Variants in PLEKHA7 observed in about 807,000 individuals in gnomAD.
PLEKHA7 encodes the protein pleckstrin homology domain containing A7, also known as pleckstrin homology domain-containing family A member 7.
In PLEKHA7, 104 loss-of-function variants were observed where a neutral mutation model predicts 170.0. The observed-to-expected ratio is 0.61, with a 90% confidence interval of 0.52 to 0.72. The LOEUF is 0.72. PLEKHA7 is among the 30% of genes least tolerant of loss of function. The pLI, the probability that PLEKHA7 is intolerant of heterozygous loss-of-function variation, is 0.00. For synonymous variants in PLEKHA7, 648 were observed against 660.8 expected (o/e 0.98, Z 0.30); for missense variants, 1,615 against 1,671.7 (o/e 0.97, Z 0.59).
chr11:16,892,432 G>GGTTTTGTTTTGTTT (rs1856695764), intron 3 of PLEKHA7, among the ~76,000 whole-genome samples: 1 of 114,946 alleles, frequency 8.7e-6, no homozygotes, highest in African/African-American at 3.6e-5. Context: ...GTGTGTGTGT[G>GGTTTTGTTTTGTTT]TGTTTTGTTT....
At chr11:16,923,839 A>G (rs542343919) in intron 3 of PLEKHA7, among the ~76,000 whole-genome samples, 7 of 152,182 alleles carry the variant, frequency 4.6e-5, no homozygotes, top group Non-Finnish European at 7.4e-5. Flanking sequence ...CATCTTCCTC[A>G]TCGCACTTAC....
chr11:16,877,933 G>T (rs1438352528), intron 3 of PLEKHA7, among the ~76,000 whole-genome samples: 1 of 152,134 alleles, frequency 6.6e-6, no homozygotes, highest in Non-Finnish European at 1.5e-5. Context: ...CATACAGAAG[G>T]TACTCAATTA....
At chr11:16,997,478 C>T (rs1382101573) in intron 3 of PLEKHA7, among the ~76,000 whole-genome samples, 2 of 152,140 alleles carry the variant, frequency 1.3e-5, no homozygotes, top group Admixed American at 1.3e-4. Context: ...AAAACAAAGA[C>T]CGGCAATCTG....
At chr11:16,956,997 C>T (rs78810686) in intron 3 of PLEKHA7, among the ~76,000 whole-genome samples, 2,615 of 152,256 alleles carry the variant, frequency 0.017, 90 homozygotes, top group African/African-American at 0.061. Context: ...CACCTCCCCC[C>T]GTGGCTTTAG....
At chr11:16,803,748 AC>A (rs1848761707) in intron 13 of PLEKHA7, among the ~76,000 whole-genome samples, 1 of 152,122 alleles carries the variant, frequency 6.6e-6, no homozygotes, top group Admixed American at 6.5e-5. Flanking sequence ...AAATCCCTTG[AC>A]CATTGTCAAG....
At position 16,876,719 on chromosome 11, in the gene PLEKHA7, T is replaced by C. The variant is rs181188211; in HGVS notation, c.222-5537A>G. Among the ~76,000 whole-genome samples, 585 of 152,340 alleles carry C rather than the reference T, an allele frequency of 3.8e-3. 6 individuals are homozygous for C. Among genetic ancestry groups the C allele is most frequent in the African/African-American group, 0.014 (562 of 41,580 alleles). On this transcript the variant is annotated intron_variant, in intron 3 of 26. Transcript: ENST00000531066. ...TCAATGTAAGACAGTCAACCTACAA[T>C]GACAGACAAGGCTAGTCAAAATGTA...
intron 3 of PLEKHA7, among the ~76,000 whole-genome samples, chr11:16,965,475 T>C (rs1862317540): frequency 6.6e-6 from 1 of 152,202 alleles, no homozygotes; most frequent in South Asian, 2.1e-4. Context: ...ATCCCCTTAG[T>C]GCCTGACACT....
chr11:16,962,119 G>A (rs1036718309), intron 3 of PLEKHA7, among the ~76,000 whole-genome samples: 5 of 152,214 alleles, frequency 3.3e-5, no homozygotes, highest in African/African-American at 1.2e-4. Flanking sequence ...CTTCAGATGA[G>A]GAGGCAGCCC....
At chr11:16,825,033 C>G (rs1850529767) in intron 10 of PLEKHA7, among the ~76,000 whole-genome samples, 1 of 152,226 alleles carries the variant, frequency 6.6e-6, no homozygotes, top group Non-Finnish European at 1.5e-5. Flanking sequence ...GTCTTAGCTA[C>G]AGCACAACAG....
At chr11:16,870,599 C>T (rs1006306034) in intron 4 of PLEKHA7, among the ~76,000 whole-genome samples, 1 of 149,220 alleles carries the variant, frequency 6.7e-6, no homozygotes, top group Non-Finnish European at 1.5e-5. Flanking sequence ...CACTGCACTC[C>T]AGCCTGGGTG....
intron 3 of PLEKHA7, among the ~76,000 whole-genome samples, chr11:16,978,214 G>T (rs1038686511): frequency 6.6e-6 from 1 of 152,208 alleles, no homozygotes; most frequent in African/African-American, 2.4e-5. Context: ...AAGAGAGGGA[G>T]AATCAGCCTA....
rs139296619 is a variant in PLEKHA7, at chr11:16,854,913, C to T, written c.498G>A (p.Val166=). The T allele has an allele frequency of 6.2e-7, 1 of 1,614,016 alleles. No individual in the cohort carries two copies. The highest frequency in any genetic ancestry group is 8.5e-7 in the Non-Finnish European group (1 of 1,179,950). The part of the protein sequence containing the change: ...AIRRNPNVPV[V]VRGWLHKQDS... ...CCTGCTTGTGCAGCCAGCCCCTCAC[C>T]ACCACGGGAACATTGGGGTTCCTCC... is the stretch of plus-strand genomic sequence containing the variant. The change falls in exon 6 of 27, where the codon GTG becomes GTA. Residue 166 remains valine (V), a synonymous_variant. Coordinates refer to ENST00000531066, the MANE Select transcript of PLEKHA7 (RefSeq NM_001329630.2).
At chr11:16,972,558 G>A (rs57818898) in intron 3 of PLEKHA7, among the ~76,000 whole-genome samples, 6,746 of 152,130 alleles carry the variant, frequency 0.044, 373 homozygotes, top group African/African-American at 0.12. Flanking sequence ...CTGCTGGTGC[G>A]CACCACCATG....
rs1056788755 is a variant in PLEKHA7, at chr11:16,786,843, T to C, written c.3358-456A>G. 26 of 985,286 alleles carry C rather than the reference T, an allele frequency of 2.6e-5. No homozygotes were observed. The African/African-American group carries it at 4.4e-4, about 17-fold the overall frequency. The allele number at this position is 985,286 out of a possible 1,614,324, so 61.0% of individuals were successfully genotyped here. A position where few individuals can be genotyped will look rare whatever the true frequency, so the allele number is the denominator to read the frequency against. On this transcript the variant is annotated intron_variant, in intron 23 of 26. Coordinates refer to ENST00000531066, the MANE Select transcript of PLEKHA7 (RefSeq NM_001329630.2). ...CAAGAAGAATAACCAAGGATCTTTCTATTGGGAATTTTCAACAAGATAACA... is the reference window on the plus strand; with the variant it reads ...CAAGAAGAATAACCAAGGATCTTTCCATTGGGAATTTTCAACAAGATAACA...
At chr11:17,008,491 G>T (rs1018820824) in intron 3 of PLEKHA7, among the ~76,000 whole-genome samples, 3 of 152,224 alleles carry the variant, frequency 2.0e-5, no homozygotes, top group African/African-American at 7.2e-5. Context: ...GCCTTGACAG[G>T]CCTGTTCCTG....
chr11:17,008,443 C>A (rs1422849862), intron 3 of PLEKHA7, among the ~76,000 whole-genome samples: 1 of 152,088 alleles, frequency 6.6e-6, no homozygotes, highest in African/African-American at 2.4e-5. Context: ...TTCTCAACAG[C>A]AAGCGACTGT....
chr11:16,795,269 G>A (rs1435892480), intron 17 of PLEKHA7: 1 of 490,180 alleles, frequency 2.0e-6, no homozygotes, highest in African/African-American at 1.9e-5. Flanking sequence ...TTTAAAAACA[G>A]ACTGCCGTAA....
intron 3 of PLEKHA7, among the ~76,000 whole-genome samples, chr11:16,970,234 T>C (rs1862626936): frequency 6.6e-6 from 1 of 152,122 alleles, no homozygotes. Context: ...TTAAAGCAAT[T>C]CCCTTTCTCA....
Position 16,847,908 on chromosome 11 carries a change from TG to T in PLEKHA7, c.696+3282del, listed in dbSNP as rs995517335. Among the ~76,000 whole-genome samples the T allele has an allele frequency of 4.6e-5, 7 of 150,736 alleles. No individual in the cohort carries two copies. The South Asian group carries it at 8.4e-4, about 18-fold the overall frequency. The stretch of plus-strand genomic sequence containing the variant: ...CAATGGGGAACCACTGAAGGGCTTA[TG>T]GTAGGAATACAACCTGAACAAGGGT... On this transcript the variant is annotated intron_variant, in intron 8 of 26. Transcript: ENST00000531066.
Sources: allele counts gnomAD v4.1 joint callset (sites outside exome capture counted in the v4.1 genomes callset), GRCh38; gene constraint gnomAD v4.1.1; transcripts MANE v1.5; gene names NCBI Gene and HGNC (gene_info 2026-07-23, HGNC 2026-07-21).